The following OXR1 variants were observed in gnomAD, a reference collection of about 807,000 sequenced individuals.
OXR1 encodes oxidation resistance protein 1.
OXR1 carries 41 observed loss-of-function variants against 104.6 expected under a neutral mutation model. That is an observed-to-expected ratio of 0.39 (90% confidence interval 0.31 to 0.51). OXR1 has a LOEUF of 0.51. Ranked by LOEUF, OXR1 falls within the 20% of genes least tolerant of loss-of-function variation. OXR1 has a pLI of 0.77. For synonymous variants in OXR1, 348 were observed against 348.4 expected (o/e 1.00, Z 0.01); for missense variants, 955 against 1,031.9 (o/e 0.93, Z 1.02).
chr8:106,748,401 A>G (rs1335708473), intron 16 of OXR1, among the ~76,000 whole-genome samples: 2 of 152,014 alleles, frequency 1.3e-5, no homozygotes, highest in Non-Finnish European at 2.9e-5. Context: ...CATTTATAGA[A>G]GAGGTTCATC....
At chr8:106,581,135 T>A in intron 3 of OXR1, 2 of 1,263,142 alleles carry the variant, frequency 1.6e-6, no homozygotes, top group Non-Finnish European at 2.0e-6. Context: ...AGATTTAGAA[T>A]TTTGGATGGA....
At chr8:106,588,479 A>G (rs1402677757) in intron 3 of OXR1, among the ~76,000 whole-genome samples, 1 of 147,448 alleles carries the variant, frequency 6.8e-6, no homozygotes, top group Admixed American at 6.8e-5. Flanking sequence ...AGAAATTCAT[A>G]TAATTTCTCA....
Position 106,456,863 on chromosome 8 carries a change from G to A in OXR1, c.24-62080G>A, listed in dbSNP as rs1820623443. On this transcript the variant is annotated intron_variant, in intron 2 of 16. Transcript: ENST00000517566. ...AATAAAGAAACATGTGTGTGCATGT[G>A]TTTGTGTGTGTTGTATGTGTGTGTG... Among the ~76,000 whole-genome samples, 4 of 152,292 alleles carry A rather than the reference G, an allele frequency of 2.6e-5. 1 individual carries two copies. The South Asian group carries it at 8.3e-4, about 32-fold the overall frequency.
At position 106,309,770 on chromosome 8, in the gene OXR1, T is replaced by A. The variant is rs1213369410; in HGVS notation, c.-139+39403T>A. Reference sequence around the variant, plus strand: ...TTAAATCTAAATTTTAAAATAAAAATATATATACACATATATAAATATATA... The same window carrying A: ...TTAAATCTAAATTTTAAAATAAAAAAATATATACACATATATAAATATATA... On this transcript the variant is annotated intron_variant, in intron 1 of 16. Transcript: ENST00000517566. 4.0e-5 allele frequency among the ~76,000 whole-genome samples: 6 copies of A among 150,670 alleles called. No individual in the cohort carries two copies. The East Asian group carries it at 5.8e-4, about 15-fold the overall frequency.
At chr8:106,699,195 A>G (rs1239800793) in intron 7 of OXR1, among the ~76,000 whole-genome samples, 14 of 152,142 alleles carry the variant, frequency 9.2e-5, no homozygotes, top group Admixed American at 9.2e-4. Context: ...ATGTTTAGTG[A>G]GAACACGAAC....
chr8:106,693,356 G>A (rs985931527), intron 7 of OXR1, among the ~76,000 whole-genome samples: 3 of 151,716 alleles, frequency 2.0e-5, no homozygotes, highest in Admixed American at 6.6e-5. Context: ...AAACAGGAAG[G>A]GTTCATAGGA....
intron 3 of OXR1, among the ~76,000 whole-genome samples, chr8:106,538,244 T>C (rs373871156): frequency 6.6e-6 from 1 of 152,190 alleles, no homozygotes; most frequent in Non-Finnish European, 1.5e-5. Context: ...TTCTTGAATT[T>C]TAATATTTTT....
At chr8:106,449,544 G>T (rs889621466) in intron 2 of OXR1, among the ~76,000 whole-genome samples, 5 of 152,128 alleles carry the variant, frequency 3.3e-5, no homozygotes, top group Non-Finnish European at 5.9e-5. Flanking sequence ...AATTCCCATT[G>T]TAACTGATAG....
chr8:106,609,937 A>G (rs1820690844), intron 3 of OXR1, among the ~76,000 whole-genome samples: 1 of 152,140 alleles, frequency 6.6e-6, no homozygotes, highest in Non-Finnish European at 1.5e-5. Context: ...GGTAAAGAGT[A>G]TATGTTTTTC....
At position 106,342,417 on chromosome 8, in the gene OXR1, A is replaced by AT. The variant is rs578031093; in HGVS notation, c.-138-17050dup. On this transcript the variant is annotated intron_variant, in intron 1 of 16. Coordinates refer to ENST00000517566, the MANE Select transcript of OXR1 (RefSeq NM_001198533.2). ...AGGTGCCCACCACCATGCCTGGCTA[A>AT]TTTTTTTTTGTAATTTTAGTAGAGA... Among the ~76,000 whole-genome samples, 756 of 149,790 alleles carry AT rather than the reference A, an allele frequency of 5.0e-3. 10 individuals are homozygous for AT. Among genetic ancestry groups the AT allele is most frequent in the African/African-American group, 0.018 (715 of 40,820 alleles).
At chr8:106,673,956 G>C (rs907059874) in intron 3 of OXR1, among the ~76,000 whole-genome samples, 3 of 152,252 alleles carry the variant, frequency 2.0e-5, no homozygotes, top group Non-Finnish European at 4.4e-5. Flanking sequence ...GAAGTTTGCT[G>C]TAGGGGTGGA....
At chr8:106,709,789 A>G (rs1038189267) in intron 9 of OXR1, among the ~76,000 whole-genome samples, 18 of 152,116 alleles carry the variant, frequency 1.2e-4, no homozygotes, top group Non-Finnish European at 2.6e-4. Context: ...TCTGATCTTT[A>G]TGACTTTATA....
intron 3 of OXR1, among the ~76,000 whole-genome samples, chr8:106,529,482 C>G (rs994967765): frequency 3.9e-5 from 6 of 151,962 alleles, no homozygotes; most frequent in Non-Finnish European, 7.4e-5. Context: ...CTAAAATTTA[C>G]CAAGGAACCG....
chr8:106,637,299 T>C (rs1426183495), intron 3 of OXR1, among the ~76,000 whole-genome samples: 1 of 151,970 alleles, frequency 6.6e-6, no homozygotes, highest in African/African-American at 2.4e-5. Context: ...AATTATGTTA[T>C]GTCAAAAGAA....
intron 2 of OXR1, among the ~76,000 whole-genome samples, chr8:106,479,975 T>C (rs1233080715): frequency 6.6e-6 from 1 of 151,990 alleles, no homozygotes; most frequent in Non-Finnish European, 1.5e-5. Context: ...GTTAGTTATG[T>C]AGGCGGGAGC....
intron 3 of OXR1, among the ~76,000 whole-genome samples, chr8:106,635,436 G>A (rs1394948613): frequency 6.6e-6 from 1 of 151,992 alleles, no homozygotes; most frequent in Non-Finnish European, 1.5e-5. Context: ...CCTTAGGAGA[G>A]GTGCATTTGT....
At chr8:106,524,267 T>G (rs904104539) in intron 3 of OXR1, among the ~76,000 whole-genome samples, 16 of 152,162 alleles carry the variant, frequency 1.1e-4, no homozygotes, top group African/African-American at 9.7e-5. Context: ...AAGAACTACA[T>G]ATAAGGACTT....
chr8:106,588,098 C>G (rs561129158), intron 3 of OXR1, among the ~76,000 whole-genome samples: 10 of 151,888 alleles, frequency 6.6e-5, no homozygotes, highest in Non-Finnish European at 1.5e-4. Flanking sequence ...ACTACAGGCA[C>G]CCGCCACCAC....
chr8:106,628,795 C>A (rs948588704), intron 3 of OXR1, among the ~76,000 whole-genome samples: 1 of 152,124 alleles, frequency 6.6e-6, no homozygotes. Flanking sequence ...TTCACGTATG[C>A]AGCACTGTGT....
Sources: gnomAD v4.1 joint callset for allele counts (sites outside exome capture counted in the v4.1 genomes callset) on GRCh38, gnomAD v4.1.1 for gene constraint, MANE v1.5 for transcripts, NCBI Gene and HGNC (gene_info 2026-07-23, HGNC 2026-07-21) for gene names.